Variants in SMURF1 observed in about 807,000 individuals in gnomAD.
SMURF1 encodes the protein E3 ubiquitin-protein ligase SMURF1.
A neutral mutation model predicts 98.0 loss-of-function variants in SMURF1; 44 were observed. That is an observed-to-expected ratio of 0.45 (90% CI 0.35 to 0.58). The LOEUF (loss-of-function observed/expected upper bound fraction) is 0.58. Ranked by LOEUF, SMURF1 falls within the 20% of genes least tolerant of loss-of-function variation. The pLI is 0.00. For missense variants in SMURF1, 687 were observed against 938.4 expected, an observed-to-expected ratio of 0.73 and a Z score of 3.50; for synonymous variants, 396 against 374.9, an observed-to-expected ratio of 1.06 and a Z score of -0.65.
intron 1 of SMURF1, among the ~76,000 whole-genome samples, chr7:99,122,870 T>C (rs1797672311): frequency 6.6e-6 from 1 of 151,144 alleles, no homozygotes; most frequent in Admixed American, 6.6e-5. Flanking sequence ...AATAATTGTC[T>C]ATAGTAGCAA....
intron 1 of SMURF1, among the ~76,000 whole-genome samples, chr7:99,123,110 T>TC (rs71656408): frequency 6.6e-6 from 1 of 151,702 alleles, no homozygotes; most frequent in Non-Finnish European, 1.5e-5. Context: ...TTTATTTATT[T>TC]TTTTTTTAGT....
intron 1 of SMURF1, among the ~76,000 whole-genome samples, chr7:99,127,858 G>A (rs766534848): frequency 2.6e-5 from 4 of 152,114 alleles, no homozygotes; most frequent in Non-Finnish European, 5.9e-5. Flanking sequence ...CTGAGAGATC[G>A]TGGACTGGCT....
chr7:99,059,412 TAAAATAAAATA>T (rs1563010573), intron 3 of SMURF1, among the ~76,000 whole-genome samples: 2 of 26,446 alleles, frequency 7.6e-5, no homozygotes, highest in Admixed American at 3.2e-4. Context: ...AAAAATAAAA[TAAAATAAAATA>T]AAATAAAATA....
intron 5 of SMURF1, among the ~76,000 whole-genome samples, chr7:99,055,884 T>C (rs1249480893): frequency 6.6e-6 from 1 of 152,022 alleles, no homozygotes; most frequent in African/African-American, 2.4e-5. Flanking sequence ...GAGAATCGCT[T>C]AAACGCGGGA....
At chr7:99,030,753 A>T in intron 17 of SMURF1, 70 bp from the exon 18 acceptor site, 8 of 1,128,348 alleles carry the variant, frequency 7.1e-6, no homozygotes, top group Middle Eastern at 2.0e-4. Context: ...GGCCAAGGAC[A>T]GGCAGTGAGA....
chr7:99,037,201 T>G lies in SMURF1; in HGVS notation c.1689-14A>C, dbSNP rs1300899564. ...TTTACATACAACCTGGAAGAAAAAC[T>G]CGCAAGTTGGATGCAACACCAAGTG... On this transcript the variant is annotated splice_polypyrimidine_tract_variant and intron_variant, in intron 14 of 17. Coordinates refer to ENST00000361368, the MANE Select transcript of SMURF1 (RefSeq NM_181349.3). The G allele has an allele frequency of 6.2e-7, 1 of 1,613,636 alleles. No individual in the cohort carries two copies.
chr7:99,066,821 A>G (rs913879072), intron 1 of SMURF1, among the ~76,000 whole-genome samples: 4 of 151,588 alleles, frequency 2.6e-5, no homozygotes, highest in East Asian at 1.9e-4. Context: ...ATTTGCTTCA[A>G]TTCCCTGTAA....
chr7:99,040,092 T>G (rs1355916293), intron 13 of SMURF1, among the ~76,000 whole-genome samples: 1 of 152,036 alleles, frequency 6.6e-6, no homozygotes, highest in East Asian at 1.9e-4. Context: ...ATGAGGAAAA[T>G]AAGTCAACTG....
intron 1 of SMURF1, among the ~76,000 whole-genome samples, chr7:99,135,802 TGATA>T (rs1364286475): frequency 1.3e-5 from 2 of 152,246 alleles, no homozygotes; most frequent in African/African-American, 4.8e-5. Flanking sequence ...ATTTATGATC[TGATA>T]GACAGTGCCA....
intron 1 of SMURF1, among the ~76,000 whole-genome samples, chr7:99,079,071 A>G (rs1796525265): frequency 6.6e-6 from 1 of 152,338 alleles, no homozygotes; most frequent in African/African-American, 2.4e-5. Flanking sequence ...ACCCTCAGGC[A>G]ACTGCCACTA....
chr7:99,068,056 A>G (rs189324652), intron 1 of SMURF1, among the ~76,000 whole-genome samples: 44 of 152,300 alleles, frequency 2.9e-4, no homozygotes, highest in African/African-American at 9.9e-4. Flanking sequence ...ATTTGTGTCA[A>G]TACTTCTAAT....
intron 1 of SMURF1, among the ~76,000 whole-genome samples, chr7:99,087,407 C>T (rs1397985826): frequency 6.6e-6 from 1 of 152,032 alleles, no homozygotes; most frequent in Admixed American, 6.6e-5. Flanking sequence ...AAAAATTAAA[C>T]ACAAGAGTGA....
chr7:99,113,011 A>C (rs1229286493), intron 1 of SMURF1, among the ~76,000 whole-genome samples: 1 of 152,122 alleles, frequency 6.6e-6, no homozygotes, highest in Non-Finnish European at 1.5e-5. Context: ...TTTTTAAATA[A>C]AGAGAGTCTA....
At chr7:99,073,469 A>AG (rs1796379593) in intron 1 of SMURF1, among the ~76,000 whole-genome samples, 1 of 151,032 alleles carries the variant, frequency 6.6e-6, no homozygotes, top group Non-Finnish European at 1.5e-5. Flanking sequence ...TAAAACTTAA[A>AG]AAAAAAAAAA....
intron 1 of SMURF1, among the ~76,000 whole-genome samples, chr7:99,096,258 C>G (rs1283711120): frequency 6.6e-6 from 1 of 152,156 alleles, no homozygotes; most frequent in African/African-American, 2.4e-5. Context: ...GTTTTGAAAA[C>G]AAGTGACATT....
intron 1 of SMURF1, among the ~76,000 whole-genome samples, chr7:99,077,494 G>C (rs755328351): frequency 6.6e-6 from 1 of 151,616 alleles, no homozygotes; most frequent in African/African-American, 2.4e-5. Context: ...CACCACACCC[G>C]GCTAACTTTT....
At chr7:99,033,913 G>C (rs573793722) in intron 16 of SMURF1, among the ~76,000 whole-genome samples, 1 of 152,244 alleles carries the variant, frequency 6.6e-6, no homozygotes, top group South Asian at 2.1e-4. Context: ...AAAGGAGGGC[G>C]CAGAGGGCAC....
chr7:99,129,434 C>T (rs1475038107), intron 1 of SMURF1, among the ~76,000 whole-genome samples: 1 of 152,202 alleles, frequency 6.6e-6, no homozygotes, highest in Non-Finnish European at 1.5e-5. Flanking sequence ...CCCTGTCACC[C>T]AGGCTAGAGT....
At chr7:99,138,121 T>C (rs1798036664) in intron 1 of SMURF1, among the ~76,000 whole-genome samples, 1 of 151,354 alleles carries the variant, frequency 6.6e-6, no homozygotes, top group Admixed American at 6.6e-5. Flanking sequence ...AAAAAAAAAT[T>C]GTATATTCCT....
Sources: gnomAD v4.1 joint callset for allele counts (sites outside exome capture counted in the v4.1 genomes callset) on GRCh38, gnomAD v4.1.1 for gene constraint, MANE v1.5 for transcripts, NCBI Gene and HGNC (gene_info 2026-07-23, HGNC 2026-07-21) for gene names.